SEZ6L: variants seen among roughly 807,000 people sequenced by gnomAD.
SEZ6L encodes the protein seizure 6-like protein.
A neutral mutation model predicts 106.2 loss-of-function variants in SEZ6L; 37 were observed. The observed-to-expected ratio is 0.35, with a 90% CI of 0.27 to 0.46. SEZ6L has a LOEUF of 0.46. Among genes scored for constraint, SEZ6L ranks in the 20% least tolerant of loss-of-function variants. The probability of loss-of-function intolerance (pLI) is 1.00; values close to 1 mark genes in which losing one functional copy is unlikely to be tolerated. For synonymous variants in SEZ6L, 541 were observed against 570.4 expected, an observed-to-expected ratio of 0.95 and a Z score of 0.73; for missense variants, 1,172 against 1,332.8, an observed-to-expected ratio of 0.88 and a Z score of 1.88.
intron 1 of SEZ6L, among the ~76,000 whole-genome samples, chr22:26,237,926 C>G (rs543716730): frequency 1.3e-5 from 2 of 152,120 alleles, no homozygotes; most frequent in Non-Finnish European, 2.9e-5. Context: ...GCTGAGTTCC[C>G]GTTTGTCCCC....
intron 12 of SEZ6L, among the ~76,000 whole-genome samples, chr22:26,361,764 C>A (rs998593522): frequency 2.6e-5 from 4 of 152,060 alleles, no homozygotes; most frequent in African/African-American, 9.7e-5. Context: ...GGATGTGCAT[C>A]CTGAGCCCTT....
chr22:26,242,990 C>G (rs2079189407), intron 1 of SEZ6L: 1 of 152,088 alleles, frequency 6.6e-6, no homozygotes, highest in East Asian at 1.9e-4. Context: ...GTTCTGAGGG[C>G]AAATCTGTTC....
chr22:26,282,326 G>T (rs2080798310), intron 1 of SEZ6L, among the ~76,000 whole-genome samples: 1 of 152,184 alleles, frequency 6.6e-6, no homozygotes, highest in Admixed American at 6.5e-5. Context: ...TTTGTATTGT[G>T]AACACTTTGC....
At position 26,208,848 on chromosome 22, in the gene SEZ6L, CTCTGTGTGTGTGTGTG is replaced by C. The variant is rs1164001927; in HGVS notation, c.94+39087_94+39102del. 1.8e-3 allele frequency among the ~76,000 whole-genome samples: 191 copies of C among 106,906 alleles called. 2 individuals are homozygous for C. Among genetic ancestry groups the C allele is most frequent in the South Asian group, 6.8e-3 (22 of 3,212 alleles). The allele number at this position is 106,906 out of a possible 152,430, so 70.1% of individuals were successfully genotyped here. ...GTTTTTTTCTACTTCTTGACTCTCT[CTCTGTGTGTGTGTGTG>C]TGTGTGTGTGTGTGTGTGTGTGTGT... On this transcript the variant is annotated intron_variant, in intron 1 of 16. Coordinates refer to ENST00000248933, the MANE Select transcript of SEZ6L (RefSeq NM_021115.5).
At chr22:26,320,376 C>T (rs898355950) in intron 9 of SEZ6L, among the ~76,000 whole-genome samples, 6 of 152,296 alleles carry the variant, frequency 3.9e-5, no homozygotes, top group African/African-American at 9.6e-5. Context: ...GGGGGGGCAT[C>T]GCCCTCCCCA....
At chr22:26,268,858 A>T (rs1017764004) in intron 1 of SEZ6L, among the ~76,000 whole-genome samples, 4 of 152,204 alleles carry the variant, frequency 2.6e-5, no homozygotes, top group African/African-American at 9.6e-5. Context: ...AAAATTTCAG[A>T]AAGCAAGATG....
intron 1 of SEZ6L, among the ~76,000 whole-genome samples, chr22:26,228,766 TCA>T (rs1469115206): frequency 6.6e-6 from 1 of 152,158 alleles, no homozygotes. Context: ...AAATTGAGGC[TCA>T]GAGAGGAAAA....
chr22:26,200,058 A>G (rs1209202913), intron 1 of SEZ6L, among the ~76,000 whole-genome samples: 3 of 152,228 alleles, frequency 2.0e-5, no homozygotes, highest in Non-Finnish European at 4.4e-5. Context: ...GATCACACCA[A>G]TAGGAAATGG....
At chr22:26,263,340 A>C (rs538358594) in intron 1 of SEZ6L, among the ~76,000 whole-genome samples, 1 of 152,332 alleles carries the variant, frequency 6.6e-6, no homozygotes, top group African/African-American at 2.4e-5. Context: ...GTCAGGGTGC[A>C]TGTGACGGCT....
intron 1 of SEZ6L, among the ~76,000 whole-genome samples, chr22:26,180,171 C>T (rs1475003998): frequency 1.3e-5 from 2 of 152,216 alleles, no homozygotes; most frequent in African/African-American, 4.8e-5. Context: ...TGGGATACAG[C>T]AATCGCCACT....
chr22:26,298,310 A>G (rs1485672171), intron 4 of SEZ6L, among the ~76,000 whole-genome samples: 1 of 152,204 alleles, frequency 6.6e-6, no homozygotes, highest in Non-Finnish European at 1.5e-5. Context: ...AGAAGCTAGG[A>G]TGAATTTGAC....
At chr22:26,345,916 A>AT (rs1375304196) in intron 10 of SEZ6L, among the ~76,000 whole-genome samples, 1 of 152,250 alleles carries the variant, frequency 6.6e-6, no homozygotes, top group East Asian at 1.9e-4. Flanking sequence ...AGACACAGTA[A>AT]TAAGCTGTGG....
In SEZ6L at chr22:26,313,656, CA is replaced by C. The variant is rs2081913231; in HGVS notation, c.1877-107del. On this transcript the variant is annotated intron_variant, in intron 8 of 16. Coordinates refer to ENST00000248933, the MANE Select transcript of SEZ6L (RefSeq NM_021115.5). ...GAGGTGAAGACACCTGTCCACAGTA[CA>C]CAGAGATTCACGGCTGTCTGACTTC... 5.2e-6 allele frequency: 7 copies of C among 1,350,180 alleles called. No individual in the cohort carries two copies. The East Asian group carries it at 1.6e-4, about 32-fold the overall frequency. 83.6% of individuals were successfully genotyped at this position (1,350,180 alleles called of 1,614,324 possible).
In SEZ6L at chr22:26,380,307, C is replaced by T; in HGVS notation, c.*12C>T. ...AGGTTTCTATCTAAAGAGAGCTACA[C>T]TTGAGAAGGGGACTTGTGAACTCAA... On this transcript the variant is annotated 3_prime_UTR_variant, in exon 17 of 17. Transcript: ENST00000248933. 6.2e-7 allele frequency: 1 copy of T among 1,611,646 alleles called. No individual in the cohort carries two copies. The highest frequency in any genetic ancestry group is 8.5e-7 in the Non-Finnish European group (1 of 1,177,824).
intron 12 of SEZ6L, among the ~76,000 whole-genome samples, chr22:26,355,630 C>G (rs560092741): frequency 6.6e-6 from 1 of 152,078 alleles, no homozygotes; most frequent in African/African-American, 2.4e-5. Flanking sequence ...CTCAGGAGGC[C>G]GAGGCAGGAA....
At chr22:26,233,020 G>A (rs934525271) in intron 1 of SEZ6L, among the ~76,000 whole-genome samples, 16 of 152,200 alleles carry the variant, frequency 1.1e-4, no homozygotes, top group Admixed American at 3.3e-4. Flanking sequence ...GCGGCGCTCC[G>A]CCATGGGTTA....
intron 1 of SEZ6L, among the ~76,000 whole-genome samples, chr22:26,230,254 A>G (rs184723788): frequency 6.1e-4 from 93 of 152,024 alleles, no homozygotes; most frequent in African/African-American, 2.2e-3. Context: ...CCCTCACTTT[A>G]CAATTTGGGA....
chr22:26,223,361 A>C (rs2078536424), intron 1 of SEZ6L, among the ~76,000 whole-genome samples: 1 of 152,216 alleles, frequency 6.6e-6, no homozygotes, highest in African/African-American at 2.4e-5. Flanking sequence ...TCATAGATGA[A>C]TCCTCCATAT....
chr22:26,222,242 A>G (rs570244001), intron 1 of SEZ6L, among the ~76,000 whole-genome samples: 74 of 152,334 alleles, frequency 4.9e-4, no homozygotes, highest in African/African-American at 1.7e-3. Flanking sequence ...CCAGCCTCAC[A>G]GGAACTTAGA....
Sources: allele counts gnomAD v4.1 joint callset (sites outside exome capture counted in the v4.1 genomes callset), GRCh38; gene constraint gnomAD v4.1.1; transcripts MANE v1.5; gene names NCBI Gene and HGNC (gene_info 2026-07-23, HGNC 2026-07-21).